Variants in CNBP observed in about 807,000 individuals in gnomAD.
CNBP encodes the protein cellular nucleic acid-binding protein.
CNBP carries 6 observed loss-of-function variants against 21.2 expected under a neutral mutation model. The ratio of observed to expected loss-of-function variants is 0.28; its 90% CI spans 0.16 to 0.56. The LOEUF (loss-of-function observed/expected upper bound fraction) is 0.56. Ranked by LOEUF, CNBP falls within the 20% of genes least tolerant of loss-of-function variation. The pLI, the probability that CNBP is intolerant of heterozygous loss-of-function variation, is 0.93. For synonymous variants in CNBP, 61 were observed against 74.9 expected (o/e 0.81, Z 0.96); for missense variants, 112 against 233.1 (o/e 0.48, Z 3.38).
At chr3:129,182,619 ATC>A (rs912571324) in intron 1 of CNBP, among the ~76,000 whole-genome samples, 7 of 152,186 alleles carry the variant, frequency 4.6e-5, no homozygotes, top group Non-Finnish European at 7.4e-5. Context: ...TTGTAATTAC[ATC>A]TGTTTCATTA....
rs1937510995 is a variant in CNBP at position 129,168,664 on chromosome 3, A to G, written c.*1789T>C. Reference sequence around the variant, plus strand: ...AAAACACAAAAATAGCAATGGTATTAAAACTGTTCAGAATCGGCCAGACAC... The same window carrying G: ...AAAACACAAAAATAGCAATGGTATTGAAACTGTTCAGAATCGGCCAGACAC... On this transcript the variant is annotated 3_prime_UTR_variant, in exon 5 of 5. Transcript: ENST00000422453. Among the ~76,000 whole-genome samples the G allele has an allele frequency of 1.3e-5, 2 of 150,848 alleles. No individual in the cohort carries two copies. The highest frequency in any genetic ancestry group is 4.9e-5 in the African/African-American group (2 of 41,050).
At chr3:129,177,886 G>A (rs537745486) in intron 1 of CNBP, among the ~76,000 whole-genome samples, 5 of 152,308 alleles carry the variant, frequency 3.3e-5, no homozygotes, top group Middle Eastern at 3.4e-3. Context: ...TGGGCCGGGC[G>A]GGGTGGCCCA....
Position 129,171,629 on chromosome 3 carries a change from A to C in CNBP, c.124+5T>G, listed in dbSNP as rs1038908019. The C allele has an allele frequency of 5.0e-6, 8 of 1,614,038 alleles. No individual in the cohort carries two copies. The Admixed American group carries it at 1.3e-4, about 27-fold the overall frequency. On this transcript the variant is annotated splice_donor_5th_base_variant and intron_variant, in intron 2 of 4. Transcript: ENST00000422453. ...TACTTCAAATTTTTCTATTCGACAA[A>C]ATACCTCTATCCGAGGTAAAACCAC...
intron 1 of CNBP, among the ~76,000 whole-genome samples, chr3:129,176,412 G>T (rs1211254559): frequency 5.3e-5 from 8 of 152,162 alleles, no homozygotes; most frequent in African/African-American, 1.9e-4. Flanking sequence ...ATATTGCCTT[G>T]TATCATATTC....
chr3:129,174,363 A>AAAAAAAAAAAAC (rs1937742579), intron 1 of CNBP, among the ~76,000 whole-genome samples: 1 of 148,046 alleles, frequency 6.8e-6, no homozygotes, highest in African/African-American at 2.5e-5. Flanking sequence ...AAAAAAAAAA[A>AAAAAAAAAAAAC]AAAAAAAAAA....
chr3:129,172,691 GACAGACACACACAC>G (rs1272743003), intron 1 of CNBP, among the ~76,000 whole-genome samples: 15 of 74,612 alleles, frequency 2.0e-4, no homozygotes, highest in East Asian at 4.8e-4. Flanking sequence ...CAGACAGACA[GACAGACACACACAC>G]ACACACACAC....
intron 1 of CNBP, among the ~76,000 whole-genome samples, chr3:129,180,659 T>G (rs1938225840): frequency 6.6e-6 from 1 of 152,118 alleles, no homozygotes; most frequent in South Asian, 2.1e-4. Flanking sequence ...AGTGAGACAG[T>G]AAGGAAAGAG....
chr3:129,181,839 CTT>C (rs1938323607), intron 1 of CNBP, among the ~76,000 whole-genome samples: 1 of 151,860 alleles, frequency 6.6e-6, no homozygotes, highest in Admixed American at 6.6e-5. Flanking sequence ...ATCGGAAAAA[CTT>C]AAGTCTTTAA....
At chr3:129,176,884 T>C (rs531524249) in intron 1 of CNBP, among the ~76,000 whole-genome samples, 23 of 152,318 alleles carry the variant, frequency 1.5e-4, no homozygotes, top group Non-Finnish European at 2.4e-4. Flanking sequence ...GATTCCAATC[T>C]ATAATAAAGC....
rs888680561 is a variant in CNBP, at chr3:129,169,045, T to C, written c.*1408A>G. On this transcript the variant is annotated 3_prime_UTR_variant, in exon 5 of 5. Transcript: ENST00000422453. ...CGAACCCAGGAGGCGGAGCTTGCAG[T>C]GAGCCGAGATCGCACCACTACACTC... is the stretch of plus-strand genomic sequence containing the variant. Among the ~76,000 whole-genome samples, 1 of 150,942 alleles carries C rather than the reference T, an allele frequency of 6.6e-6. No individual in the cohort carries two copies. Among genetic ancestry groups the C allele is most frequent in the Admixed American group, 6.6e-5 (1 of 15,124 alleles).
At chr3:129,182,996 T>C (rs554871946) in intron 1 of CNBP, among the ~76,000 whole-genome samples, 2 of 152,120 alleles carry the variant, frequency 1.3e-5, no homozygotes, top group African/African-American at 4.8e-5. Context: ...CTGTTGCCCA[T>C]GCTGGAGTGT....
intron 1 of CNBP, among the ~76,000 whole-genome samples, chr3:129,176,949 T>C (rs564741567): frequency 1.3e-5 from 2 of 152,106 alleles, no homozygotes; most frequent in East Asian, 3.9e-4. Flanking sequence ...ACCATGAAAA[T>C]TAGATTTCAG....
intron 1 of CNBP, among the ~76,000 whole-genome samples, chr3:129,172,641 C>T (rs1346021724): frequency 3.2e-5 from 2 of 63,240 alleles, no homozygotes; most frequent in African/African-American, 1.1e-4. Flanking sequence ...GGCAGGCAGG[C>T]AGGCAGGCAG....
At chr3:129,181,401 C>T (rs1449132750) in intron 1 of CNBP, among the ~76,000 whole-genome samples, 1 of 151,508 alleles carries the variant, frequency 6.6e-6, no homozygotes, top group Non-Finnish European at 1.5e-5. Context: ...TGCCTGTAAT[C>T]CTAGCACTTT....
Position 129,169,953 on chromosome 3 carries a change from A to T in CNBP, c.*500T>A. ...CGAACAGCCATTAACACGCATGTTT[A>T]TCTTTTTGTTTACTCCCACTCAACT... On this transcript the variant is annotated 3_prime_UTR_variant, in exon 5 of 5. Transcript: ENST00000422453. The T allele has an allele frequency of 4.3e-6, 1 of 232,634 alleles. No individual in the cohort carries two copies. Among genetic ancestry groups the T allele is most frequent in the Non-Finnish European group, 8.5e-6 (1 of 117,480 alleles). The allele number at this position is 232,634 out of a possible 1,614,324, so 14.4% of individuals were successfully genotyped here.
intron 1 of CNBP, among the ~76,000 whole-genome samples, chr3:129,178,025 G>A (rs950432947): frequency 6.6e-6 from 1 of 152,022 alleles, no homozygotes; most frequent in Non-Finnish European, 1.5e-5. Context: ...TGGACATGGT[G>A]GTGCATGCCT....
chr3:129,172,679 G>GACAC, intron 1 of CNBP, among the ~76,000 whole-genome samples: 1 of 99,092 alleles, frequency 1.0e-5, no homozygotes, highest in South Asian at 3.4e-4. Flanking sequence ...CAGACAGACA[G>GACAC]ACAGACAGAC....
chr3:129,182,350 AAC>A (rs762542456), intron 1 of CNBP, among the ~76,000 whole-genome samples: 5 of 152,220 alleles, frequency 3.3e-5, no homozygotes, highest in Non-Finnish European at 7.3e-5. Flanking sequence ...TAATGCCTGA[AAC>A]ACACTAGCTA....
intron 1 of CNBP, among the ~76,000 whole-genome samples, chr3:129,177,842 G>A (rs1314132061): frequency 6.6e-6 from 1 of 152,164 alleles, no homozygotes; most frequent in Non-Finnish European, 1.5e-5. Context: ...TGTCAGGCAA[G>A]AGAAGAAATG....
Sources: allele counts gnomAD v4.1 joint callset (sites outside exome capture counted in the v4.1 genomes callset), GRCh38; gene constraint gnomAD v4.1.1; transcripts MANE v1.5; gene names NCBI Gene and HGNC (gene_info 2026-07-23, HGNC 2026-07-21).